RAB8B: variants seen among roughly 807,000 people sequenced by gnomAD.
RAB8B encodes the protein RAB8B, member RAS oncogene family.
In RAB8B, 11 loss-of-function variants were observed where a neutral mutation model predicts 32.0. The observed-to-expected ratio is 0.34, with a 90% CI of 0.22 to 0.57. The LOEUF (loss-of-function observed/expected upper bound fraction) is 0.57, where lower values mean the gene tolerates loss of function less well. Ranked by LOEUF, RAB8B falls within the 20% of genes least tolerant of loss-of-function variation. RAB8B has a pLI of 0.86. For missense variants in RAB8B, 190 were observed against 258.5 expected (o/e 0.73, Z 1.82); for synonymous variants, 103 against 89.6 (o/e 1.15, Z -0.85).
intron 1 of RAB8B, among the ~76,000 whole-genome samples, chr15:63,215,223 C>T (rs11634159): frequency 0.38 from 57,915 of 152,038 alleles, 12,441 homozygotes; most frequent in Non-Finnish European, 0.5. Flanking sequence ...ATAGTCTCAT[C>T]GTGAAATGTG....
intron 1 of RAB8B, among the ~76,000 whole-genome samples, chr15:63,190,968 G>T (rs1272160803): frequency 6.6e-6 from 1 of 152,220 alleles, no homozygotes; most frequent in Non-Finnish European, 1.5e-5. Flanking sequence ...TGTACTGGAA[G>T]ACACTGTGTT....
At chr15:63,221,670 T>C (rs962204539) in intron 1 of RAB8B, among the ~76,000 whole-genome samples, 7 of 152,138 alleles carry the variant, frequency 4.6e-5, no homozygotes, top group South Asian at 2.1e-4. Flanking sequence ...ACCACATAGC[T>C]AGACAGGTTC....
chr15:63,194,953 T>G (rs2141105375), intron 1 of RAB8B, among the ~76,000 whole-genome samples: 1 of 152,370 alleles, frequency 6.6e-6, no homozygotes, highest in Middle Eastern at 3.4e-3. Context: ...TTTTGGTTGG[T>G]AGCATTTCAA....
intron 3 of RAB8B, 34 bp from the exon 4 acceptor site, chr15:63,255,473 A>C: frequency 7.2e-7 from 1 of 1,392,624 alleles, no homozygotes; most frequent in Non-Finnish European, 1.0e-6. Flanking sequence ...TAAATATATA[A>C]AGTACTAAAT....
intron 1 of RAB8B, among the ~76,000 whole-genome samples, chr15:63,193,936 T>A (rs1403769457): frequency 1.3e-5 from 2 of 152,192 alleles, no homozygotes; most frequent in Non-Finnish European, 2.9e-5. Context: ...AATGGATGCA[T>A]TTTAATATTG....
intron 2 of RAB8B, among the ~76,000 whole-genome samples, chr15:63,245,419 C>CT (rs2152577355): frequency 6.6e-6 from 1 of 152,366 alleles, no homozygotes; most frequent in South Asian, 2.1e-4. Flanking sequence ...TTTTACCACA[C>CT]TTTTTTTCTC....
intron 1 of RAB8B, 120 bp downstream of exon 1, chr15:63,189,868 G>C (rs538494186): frequency 7.8e-7 from 1 of 1,280,810 alleles, no homozygotes; most frequent in African/African-American, 1.5e-5. Context: ...ACTGCAAGGT[G>C]GCGGGGGCAC....
intron 1 of RAB8B, among the ~76,000 whole-genome samples, chr15:63,200,662 A>G (rs1350953819): frequency 2.0e-5 from 3 of 151,534 alleles, no homozygotes; most frequent in Non-Finnish European, 4.4e-5. Context: ...AAAAAAAAAA[A>G]CCTCATGGTG....
At chr15:63,227,210 C>G (rs1014934285) in intron 1 of RAB8B, among the ~76,000 whole-genome samples, 5 of 152,146 alleles carry the variant, frequency 3.3e-5, no homozygotes, top group African/African-American at 1.2e-4. Flanking sequence ...TTACCCAGCT[C>G]CTGTTTAAGA....
Position 63,263,800 on chromosome 15 carries a change from C to T in RAB8B, c.*181C>T, listed in dbSNP as rs940274437. On this transcript the variant is annotated 3_prime_UTR_variant, in exon 8 of 8. Coordinates refer to ENST00000321437, the MANE Select transcript of RAB8B (RefSeq NM_016530.3). ...CCTCATGGCCTAGCAAAAGAACAGA[C>T]TCCCTTTTTCAAACATGGAAGCAAT... 10 of 501,222 alleles carry T rather than the reference C, an allele frequency of 2.0e-5. No homozygotes were observed. Among genetic ancestry groups the T allele is most frequent in the Admixed American group, 3.6e-5 (1 of 28,122 alleles). The allele number at this position is 501,222 out of a possible 1,614,324, so 31.0% of individuals were successfully genotyped here. A position where few individuals can be genotyped will look rare whatever the true frequency, so the allele number is the denominator to read the frequency against.
At chr15:63,261,817 A>G (rs555758618) in intron 6 of RAB8B, among the ~76,000 whole-genome samples, 1 of 152,362 alleles carries the variant, frequency 6.6e-6, no homozygotes, top group Non-Finnish European at 1.5e-5. Flanking sequence ...TAGGTTTAGC[A>G]TGGTGACAAA....
intron 2 of RAB8B, among the ~76,000 whole-genome samples, chr15:63,245,370 A>G (rs1361713222): frequency 6.6e-6 from 1 of 152,180 alleles, no homozygotes; most frequent in African/African-American, 2.4e-5. Flanking sequence ...GAAGACTGAG[A>G]AAAAAAATCA....
intron 5 of RAB8B, 23 bp downstream of exon 5, chr15:63,256,617 A>G (rs1389942778): frequency 1.3e-6 from 2 of 1,510,782 alleles, no homozygotes; most frequent in Admixed American, 3.7e-5. Context: ...GGAATGGATA[A>G]AGGTTGGAAT....
intron 1 of RAB8B, among the ~76,000 whole-genome samples, chr15:63,240,294 A>G (rs1448855303): frequency 2.6e-5 from 4 of 152,220 alleles, no homozygotes; most frequent in Non-Finnish European, 5.9e-5. Context: ...TAATCCATGC[A>G]TGAAGTGACA....
Position 63,259,155 on chromosome 15 carries a change from T to C in RAB8B, c.415-472T>C, listed in dbSNP as rs184860591. On this transcript the variant is annotated intron_variant, in intron 5 of 7. Coordinates refer to ENST00000321437, the MANE Select transcript of RAB8B (RefSeq NM_016530.3). This position sits in a 1 kb window ranked among gnomAD's most constrained non-coding sequence, Gnocchi z 4.4. ...TTTATTTTGAGACAGAGTCTCGCTC[T>C]GTCACCTGGACTGGAGTGCAGTGGT... 6.0e-4 allele frequency among the ~76,000 whole-genome samples: 92 copies of C among 152,228 alleles called. 4 individuals are homozygous for C. The highest frequency in any genetic ancestry group is 2.4e-4 in the Non-Finnish European group (16 of 68,042).
chr15:63,199,740 G>A (rs2729792), intron 1 of RAB8B, among the ~76,000 whole-genome samples: 20 of 151,346 alleles, frequency 1.3e-4, no homozygotes, highest in African/African-American at 4.6e-4. Flanking sequence ...GCACTACCAC[G>A]CCCAGCCAAT....
At chr15:63,199,495 C>G (rs2037630156) in intron 1 of RAB8B, among the ~76,000 whole-genome samples, 1 of 152,068 alleles carries the variant, frequency 6.6e-6, no homozygotes, top group South Asian at 2.1e-4. Context: ...AATTTCCAAC[C>G]TTATAGAAGG....
intron 1 of RAB8B, among the ~76,000 whole-genome samples, chr15:63,197,571 G>A (rs1274711423): frequency 6.6e-6 from 1 of 151,578 alleles, no homozygotes; most frequent in Non-Finnish European, 1.5e-5. Flanking sequence ...AGAAGGTTTC[G>A]CTGTGTTGTC....
intron 1 of RAB8B, among the ~76,000 whole-genome samples, chr15:63,205,832 A>G (rs75869266): frequency 0.045 from 6,781 of 152,310 alleles, 285 homozygotes; most frequent in East Asian, 0.22. Flanking sequence ...TTCAGATGGT[A>G]AGAGTTTTAC....
Sources: gnomAD v4.1 joint callset for allele counts (sites outside exome capture counted in the v4.1 genomes callset) on GRCh38, gnomAD v4.1.1 for gene constraint, Gnocchi (gnomAD v3.1) non-coding constraint, MANE v1.5 for transcripts, NCBI Gene and HGNC (gene_info 2026-07-23, HGNC 2026-07-21) for gene names.